Variants in TMTC2 observed in about 807,000 individuals in gnomAD.
TMTC2 encodes the protein transmembrane O-mannosyltransferase targeting cadherins 2.
TMTC2 carries 43 observed loss-of-function variants against 82.4 expected under a neutral mutation model. That is an observed-to-expected ratio of 0.52 (90% CI 0.41 to 0.67). The LOEUF (loss-of-function observed/expected upper bound fraction) is 0.67. Ranked by LOEUF, TMTC2 falls within the 30% of genes least tolerant of loss-of-function variation. TMTC2 has a pLI of 0.00. For missense variants in TMTC2, 919 were observed against 1,012.4 expected (o/e 0.91, Z 1.25); for synonymous variants, 408 against 381.9 (o/e 1.07, Z -0.80).
chr12:83,101,565 T>G (rs577196114), intron 11 of TMTC2, among the ~76,000 whole-genome samples: 1 of 152,320 alleles, frequency 6.6e-6, no homozygotes, highest in South Asian at 2.1e-4. Flanking sequence ...TCACCACCAA[T>G]GTTTATCAAA....
intron 3 of TMTC2, among the ~76,000 whole-genome samples, chr12:82,927,649 A>G (rs1019596077): frequency 7.2e-5 from 11 of 152,234 alleles, no homozygotes; most frequent in Admixed American, 2.0e-4. Flanking sequence ...AGGAAGAGTT[A>G]ATTGATATGG....
At chr12:82,693,112 T>C (rs887310871) in intron 1 of TMTC2, among the ~76,000 whole-genome samples, 1 of 152,230 alleles carries the variant, frequency 6.6e-6, no homozygotes, top group Non-Finnish European at 1.5e-5. Context: ...ACCTGTACTT[T>C]AGCAGGTACT....
intron 7 of TMTC2, among the ~76,000 whole-genome samples, chr12:82,977,802 G>T (rs1388246550): frequency 6.6e-6 from 1 of 151,750 alleles, no homozygotes; most frequent in East Asian, 1.9e-4. Context: ...AATGATAATT[G>T]CAGAAGTGCA....
intron 1 of TMTC2, among the ~76,000 whole-genome samples, chr12:82,850,549 C>T (rs1870920099): frequency 6.6e-6 from 1 of 151,780 alleles, no homozygotes; most frequent in Non-Finnish European, 1.5e-5. Flanking sequence ...GGCGATGGGA[C>T]CAGGAGAGAA....
intron 1 of TMTC2, among the ~76,000 whole-genome samples, chr12:82,770,444 T>G (rs1592507649): frequency 6.6e-6 from 1 of 152,168 alleles, no homozygotes; most frequent in South Asian, 2.1e-4. Flanking sequence ...TATTTAAAGG[T>G]TCAGTAACTT....
intron 11 of TMTC2, among the ~76,000 whole-genome samples, chr12:83,071,177 C>T (rs148450490): frequency 0.02 from 2,605 of 130,812 alleles, 89 homozygotes; most frequent in African/African-American, 0.071. Flanking sequence ...TTTTTTGAGA[C>T]GGAGTCTCGC....
intron 4 of TMTC2, among the ~76,000 whole-genome samples, chr12:82,947,870 C>T (rs757906187): frequency 1.3e-5 from 2 of 152,080 alleles, no homozygotes. Context: ...ATCCCCAGAC[C>T]TCCATCATTC....
chr12:82,836,453 G>A (rs1292918760), intron 1 of TMTC2, among the ~76,000 whole-genome samples: 1 of 152,170 alleles, frequency 6.6e-6, no homozygotes, highest in East Asian at 1.9e-4. Flanking sequence ...AAGGGAAGTC[G>A]TGGTTGGAAT....
intron 1 of TMTC2, among the ~76,000 whole-genome samples, chr12:82,765,714 C>CAAACAAA (rs1565740781): frequency 2.1e-4 from 29 of 137,852 alleles, no homozygotes; most frequent in African/African-American, 9.5e-4. Flanking sequence ...AACAAACAAA[C>CAAACAAA]AAAAAAAAAC....
chr12:83,034,080 GT>G (rs1881564604), intron 9 of TMTC2, among the ~76,000 whole-genome samples: 1 of 151,726 alleles, frequency 6.6e-6, no homozygotes, highest in Non-Finnish European at 1.5e-5. Context: ...CATAGAGAAT[GT>G]TTTTTGATAA....
At chr12:82,762,168 C>T (rs1381801510) in intron 1 of TMTC2, among the ~76,000 whole-genome samples, 2 of 151,934 alleles carry the variant, frequency 1.3e-5, no homozygotes, top group African/African-American at 4.8e-5. Context: ...GGGGTTTCAC[C>T]ATGTTAGCCA....
At chr12:82,931,792 C>A in intron 4 of TMTC2, among the ~76,000 whole-genome samples, 1 of 152,082 alleles carries the variant, frequency 6.6e-6, no homozygotes, top group South Asian at 2.1e-4. Context: ...TTCTCAATTT[C>A]AGAAGGAAAG....
In TMTC2 at chr12:82,822,750, G is replaced by A. The variant is rs569846892; in HGVS notation, c.84-34260G>A. On this transcript the variant is annotated intron_variant, in intron 1 of 11. Transcript: ENST00000321196. ...GATTTTGACAATGGTACTAAAAATA[G>A]GTGATATTTTCCTGAAATCATTTGA... 5.2e-4 allele frequency among the ~76,000 whole-genome samples: 79 copies of A among 152,252 alleles called. 2 individuals carry two copies. The highest frequency in any genetic ancestry group is 1.0e-3 in the Admixed American group (16 of 15,292).
intron 8 of TMTC2, among the ~76,000 whole-genome samples, chr12:83,013,970 CTAAGTG>C (rs952600767): frequency 1.3e-5 from 2 of 152,198 alleles, no homozygotes; most frequent in Non-Finnish European, 2.9e-5. Context: ...CTACATTCTT[CTAAGTG>C]TAACTTCAGT....
intron 11 of TMTC2, among the ~76,000 whole-genome samples, chr12:83,118,986 A>T (rs372729057): frequency 6.6e-6 from 1 of 151,972 alleles, no homozygotes; most frequent in African/African-American, 2.4e-5. Context: ...GTATTTCTGT[A>T]GTGTCAGTTG....
chr12:83,118,862 A>C (rs1015899908), intron 11 of TMTC2, among the ~76,000 whole-genome samples: 3 of 152,018 alleles, frequency 2.0e-5, no homozygotes, highest in Non-Finnish European at 4.4e-5. Flanking sequence ...AGGGTGTCTA[A>C]TTCTTCCTGA....
chr12:83,071,138 G>A (rs1299847519), intron 11 of TMTC2, among the ~76,000 whole-genome samples: 1 of 150,170 alleles, frequency 6.7e-6, no homozygotes, highest in East Asian at 2.0e-4. Flanking sequence ...CAAGAATATT[G>A]GTCTGTAGTT....
At chr12:82,742,094 G>A (rs186063929) in intron 1 of TMTC2, among the ~76,000 whole-genome samples, 7 of 152,178 alleles carry the variant, frequency 4.6e-5, no homozygotes, top group African/African-American at 1.7e-4. Context: ...GCCTAGTATG[G>A]CCCAGGATAG....
chr12:82,971,691 T>C (rs907047338), intron 7 of TMTC2, among the ~76,000 whole-genome samples: 16 of 152,026 alleles, frequency 1.1e-4, no homozygotes, highest in Admixed American at 5.2e-4. Context: ...CATCATTTCA[T>C]CATGGTAATA....
Sources: gnomAD v4.1 joint callset for allele counts (sites outside exome capture counted in the v4.1 genomes callset) on GRCh38, gnomAD v4.1.1 for gene constraint, MANE v1.5 for transcripts, NCBI Gene and HGNC (gene_info 2026-07-23, HGNC 2026-07-21) for gene names.